The following ANK2 variants were observed in gnomAD, a reference collection of about 807,000 sequenced individuals.
ANK2 encodes ankyrin-2.
ANK2 carries 83 observed loss-of-function variants against 360.5 expected under a neutral mutation model. The ratio of observed to expected loss-of-function variants is 0.23; its 90% CI spans 0.19 to 0.28. The LOEUF is 0.28. Ranked by LOEUF, ANK2 falls within the 10% of genes least tolerant of loss-of-function variation. The pLI is 1.00. For missense variants in ANK2, 4,201 were observed against 4,795.7 expected (o/e 0.88, Z 3.66); for synonymous variants, 1,740 against 1,759.5 (o/e 0.99, Z 0.28).
the ANK2 span, among the ~76,000 whole-genome samples, chr4:112,727,949 C>G: frequency 1.3e-5 from 2 of 151,964 alleles, no homozygotes; most frequent in Admixed American, 1.3e-4. Flanking sequence ...TGCACTCCAG[C>G]CTGGGCAACA....
rs1472874671 is a variant in ANK2, at chr4:113,381,438, C to T, written c.11860-19C>T. 1 of 1,614,082 alleles carries T rather than the reference C, an allele frequency of 6.2e-7. No homozygotes were observed. The highest frequency in any genetic ancestry group is 1.1e-5 in the South Asian group (1 of 91,070). On this transcript the variant is annotated intron_variant, in intron 45 of 45. Coordinates refer to ENST00000357077, the MANE Select transcript of ANK2 (RefSeq NM_001148.6). ...GGCAGTGAAAAGAGCGTAATTCTCT[C>T]TTGTCTGCTTTTCTCCAGGACAACA...
chr4:113,282,131 T>C lies in ANK2; in HGVS notation c.1882-544T>C, dbSNP rs146867620. ...AGTAAGATAATAGAAATAATTCCAT[T>C]TGATTCTTTATGTTATAACCATATG... On this transcript the variant is annotated intron_variant, in intron 17 of 45. Coordinates refer to ENST00000357077, the MANE Select transcript of ANK2 (RefSeq NM_001148.6). 5.6e-4 allele frequency among the ~76,000 whole-genome samples: 85 copies of C among 152,298 alleles called. 1 individual carries two copies. The highest frequency in any genetic ancestry group is 1.9e-3 in the African/African-American group (80 of 41,572).
chr4:112,931,782 T>A (rs1459482140), intron 2 of ANK2, among the ~76,000 whole-genome samples: 1 of 152,202 alleles, frequency 6.6e-6, no homozygotes, highest in Non-Finnish European at 1.5e-5. Flanking sequence ...TGCTGATTTA[T>A]AACCCCAATC....
intron 2 of ANK2, among the ~76,000 whole-genome samples, chr4:112,991,678 G>T (rs1377420037): frequency 9.1e-6 from 1 of 109,504 alleles, no homozygotes; most frequent in Non-Finnish European, 1.8e-5. Context: ...TTCAATTTCT[G>T]GTTCGTTTTG....
chr4:113,014,294 G>A, intron 2 of ANK2, among the ~76,000 whole-genome samples: 1 of 152,324 alleles, frequency 6.6e-6, no homozygotes, highest in East Asian at 1.9e-4. Context: ...TGATAATTAA[G>A]TATGTACTAG....
chr4:113,231,311 C>T (rs1406432830), intron 4 of ANK2, among the ~76,000 whole-genome samples: 1 of 152,094 alleles, frequency 6.6e-6, no homozygotes, highest in Non-Finnish European at 1.5e-5. Flanking sequence ...CTCGACCTCC[C>T]AAAGTGCTGG....
chr4:112,921,532 G>A, intron 2 of ANK2, among the ~76,000 whole-genome samples: 1 of 151,938 alleles, frequency 6.6e-6, no homozygotes, highest in East Asian at 1.9e-4. Flanking sequence ...GCAATTCACA[G>A]GTGCAATCAT....
At chr4:113,112,739 G>T (rs762881174) in intron 1 of ANK2, among the ~76,000 whole-genome samples, 2 of 152,120 alleles carry the variant, frequency 1.3e-5, no homozygotes, top group Admixed American at 6.5e-5. Flanking sequence ...AGCTTGAGAG[G>T]CATACACTTG....
chr4:113,242,080 A>G lies in ANK2; in HGVS notation c.793-31A>G, dbSNP rs962144090. On this transcript the variant is annotated intron_variant, in intron 8 of 45. Coordinates refer to ENST00000357077, the MANE Select transcript of ANK2 (RefSeq NM_001148.6). The stretch of plus-strand genomic sequence containing the variant: ...TCGCCATCATGCCCTGTCATACCCA[A>G]CAGCTCTTGTTTGGTCTTTCTGTGG... 8 of 1,577,456 alleles carry G rather than the reference A, an allele frequency of 5.1e-6. No individual in the cohort carries two copies. In the African/African-American group the frequency reaches 6.7e-5, roughly 13 times the overall value.
At position 113,335,974 on chromosome 4, in the gene ANK2, G is replaced by A. The variant is rs1486240382; in HGVS notation, c.3508G>A (p.Val1170Ile). ...DSNLIGPEGGVLSSTVVPQVQ... is the reference protein window; with the variant it reads ...DSNLIGPEGGILSSTVVPQVQ... ...CAATCTGATTGGCCCAGAAGGAGGT[G>A]TACTGAGCAGCACAGTGGTGCCCCA... The change falls in exon 30 of 46, where the codon GTA (valine) becomes ATA (isoleucine). Residue 1170 changes from valine (V) to isoleucine (I), a missense_variant. Physicochemically the swap from Val to Ile is conservative, Grantham distance 29 (BLOSUM62 3). Around this residue, in one of 4 missense-constraint regions of ANK2, gnomAD observed 1,268 missense variants for 1,650.8 expected, o/e 0.77. Transcript: ENST00000357077. The A allele has an allele frequency of 1.9e-6, 3 of 1,614,016 alleles. No homozygotes were observed. The highest frequency in any genetic ancestry group is 2.7e-5 in the African/African-American group (2 of 74,908).
chr4:113,367,768 C>T lies in ANK2; in HGVS notation c.11235C>T (p.His3745=), dbSNP rs1031911175. The part of the protein sequence containing the change: ...SSATALFPQT[H]KEQVQQDFSG... ...CAACAGCACTCTTTCCCCAAACTCA[C>T]AAGGAGCAAGTTCAACAGGATTTCT... Residue 3745 remains histidine, a synonymous_variant, in exon 42 of 46, where the codon CAC becomes CAT. Transcript: ENST00000357077. 4 of 1,614,030 alleles carry T rather than the reference C, an allele frequency of 2.5e-6. No homozygotes were observed. Among genetic ancestry groups the T allele is most frequent in the Non-Finnish European group, 2.5e-6 (3 of 1,180,000 alleles).
rs778647713 is a variant in ANK2 at position 113,258,038 on chromosome 4, T to A, written c.1189-12T>A. On this transcript the variant is annotated splice_polypyrimidine_tract_variant and intron_variant, in intron 11 of 45. Transcript: ENST00000357077. ...TGCATGTTTTCAACTAACTTGATTG[T>A]CTTTTGCACAGAATGGTTTTACTCC... 6.2e-7 allele frequency: 1 copy of A among 1,610,286 alleles called. No homozygotes were observed. The highest frequency in any genetic ancestry group is 8.5e-7 in the Non-Finnish European group (1 of 1,176,472).
intron 1 of ANK2, among the ~76,000 whole-genome samples, chr4:112,859,964 C>T (rs984364444): frequency 2.0e-5 from 3 of 152,246 alleles, no homozygotes; most frequent in Admixed American, 2.0e-4. Flanking sequence ...GCCAGCAATA[C>T]AGTGACCATT....
At chr4:113,381,313 C>T in intron 45 of ANK2, 144 bp from the exon 46 acceptor site, 1 of 848,512 alleles carries the variant, frequency 1.2e-6, no homozygotes, top group Non-Finnish European at 2.0e-6. Flanking sequence ...AAAAAGATGT[C>T]TATAGTTTGT....
chr4:112,766,786 C>T, the ANK2 span, among the ~76,000 whole-genome samples: 1 of 152,166 alleles, frequency 6.6e-6, no homozygotes, highest in Non-Finnish European at 1.5e-5. Flanking sequence ...AGATGGGGTA[C>T]ATTGGTGGGT....
chr4:112,781,971 A>G, the ANK2 span, among the ~76,000 whole-genome samples: 7 of 151,840 alleles, frequency 4.6e-5, no homozygotes, highest in African/African-American at 2.4e-5. Flanking sequence ...CTGGGACAAC[A>G]GTTGCATACC....
chr4:113,365,230 TGTTG>T, intron 41 of ANK2, 48 bp downstream of exon 41: 1 of 1,572,834 alleles, frequency 6.4e-7, no homozygotes, highest in Non-Finnish European at 8.7e-7. Context: ...TGTGTGTGTG[TGTTG>T]TGTCTGTGTG....
At chr4:112,831,694 GT>G (rs1261874378) in intron 1 of ANK2, among the ~76,000 whole-genome samples, 1 of 152,196 alleles carries the variant, frequency 6.6e-6, no homozygotes, top group Admixed American at 6.5e-5. Flanking sequence ...TGGAAGCTTT[GT>G]TTTTTCGCTC....
In ANK2 at chr4:113,277,864, G is replaced by T. The variant is rs1400057725; in HGVS notation, c.1711G>T (p.Ala571Ser). The T allele has an allele frequency of 1.9e-6, 3 of 1,613,984 alleles. No homozygotes were observed. The African/African-American group carries it at 4.0e-5, about 22-fold the overall frequency. The change falls in exon 16 of 46, where the codon GCC (alanine) becomes TCC (serine). Residue 571 changes from alanine (A) to serine (S), a missense_variant. This residue lies in a region of ANK2 where 1,268 missense variants were observed against 1,650.8 expected (regional missense o/e 0.77). Transcript: ENST00000357077. ...GGGTTTTACTCCCCTGCATGTAGCAGCCAAGTATGGAAGCCTGGATGTGGC... is the reference window on the plus strand; with the variant it reads ...GGGTTTTACTCCCCTGCATGTAGCATCCAAGTATGGAAGCCTGGATGTGGC... Reference protein sequence around the residue: ...KKGFTPLHVAAKYGSLDVAKL... With the variant: ...KKGFTPLHVASKYGSLDVAKL...
Sources: gnomAD v4.1 joint callset for allele counts (sites outside exome capture counted in the v4.1 genomes callset) on GRCh38, gnomAD v4.1.1 for gene constraint, gnomAD v4.1.1 regional missense constraint, MANE v1.5 for transcripts, NCBI Gene and HGNC (gene_info 2026-07-23, HGNC 2026-07-21) for gene names.